Variants in MCM6 observed in about 807,000 individuals in gnomAD.
MCM6 encodes the protein minichromosome maintenance complex component 6.
Under a neutral mutation model 94.3 loss-of-function variants are expected in MCM6, and 46 were observed. That is an observed-to-expected ratio of 0.49 (90% CI 0.39 to 0.62). The LOEUF is 0.62. Among genes scored for constraint, MCM6 ranks in the 20% least tolerant of loss-of-function variants. MCM6 has a pLI of 0.00. For synonymous variants in MCM6, 335 were observed against 351.9 expected (o/e 0.95, Z 0.54); for missense variants, 865 against 1,017.9 (o/e 0.85, Z 2.04).
chr2:135,862,861 G>T, intron 7 of MCM6, 113 bp from the exon 8 acceptor site: 1 of 1,124,780 alleles, frequency 8.9e-7, no homozygotes, highest in Non-Finnish European at 1.3e-6. Context: ...GTCAGCTAAA[G>T]CAAAGCATAA....
chr2:135,869,647 T>C (rs777117218), intron 3 of MCM6, among the ~76,000 whole-genome samples: 2 of 152,160 alleles, frequency 1.3e-5, no homozygotes, highest in Non-Finnish European at 2.9e-5. Flanking sequence ...ATCCAGTAAA[T>C]TTATTCTTAA....
At chr2:135,854,525 A>C (rs1160193433) in intron 11 of MCM6, among the ~76,000 whole-genome samples, 1 of 46,298 alleles carries the variant, frequency 2.2e-5, no homozygotes, top group Non-Finnish European at 4.7e-5. Flanking sequence ...GCGAGACTCC[A>C]TCTCAAAAAA....
At chr2:135,867,604 T>C (rs1680122813) in intron 4 of MCM6, among the ~76,000 whole-genome samples, 1 of 152,210 alleles carries the variant, frequency 6.6e-6, no homozygotes, top group South Asian at 2.1e-4. Context: ...CCCATAAAAT[T>C]AAGTCCTGCT....
At chr2:135,849,336 G>A (rs887932607) in intron 13 of MCM6, among the ~76,000 whole-genome samples, 32 of 152,278 alleles carry the variant, frequency 2.1e-4, no homozygotes, top group African/African-American at 7.2e-4. Flanking sequence ...TGAGTAACTT[G>A]ACAAGGTGAG....
In MCM6 at chr2:135,851,570, C is replaced by A; in HGVS notation, c.1756-7G>T. On this transcript the variant is annotated splice_polypyrimidine_tract_variant and splice_region_variant and intron_variant, in intron 12 of 16. Transcript: ENST00000264156. ...CCTCTGACTCTTTGGAAATCTGTTT[C>A]AGATCATCACTCAAGTTAGAGAAAC... 1 of 1,586,200 alleles carries A rather than the reference C, an allele frequency of 6.3e-7. No homozygotes were observed. Among genetic ancestry groups the A allele is most frequent in the South Asian group, 1.1e-5 (1 of 89,028 alleles).
chr2:135,852,952 G>A, intron 11 of MCM6, 37 bp from the exon 12 acceptor site: 2 of 1,556,092 alleles, frequency 1.3e-6, no homozygotes, highest in Non-Finnish European at 1.7e-6. Flanking sequence ...GATAGTCACA[G>A]CAATATCTTC....
In MCM6 at chr2:135,846,338, A is replaced by C. The variant is rs1405199094; in HGVS notation, c.2108T>G (p.Ile703Arg). 6.2e-7 allele frequency: 1 copy of C among 1,614,106 alleles called. No individual in the cohort carries two copies. The highest frequency in any genetic ancestry group is 2.2e-5 in the East Asian group (1 of 44,880). Residue 703 changes from isoleucine (I) to arginine (R), a missense_variant, in exon 15 of 17, where the codon ATA (isoleucine) becomes AGA (arginine). Ile to Arg is a moderately conservative substitution (Grantham distance 97). Around this residue, in one of 3 missense-constraint regions of MCM6, gnomAD observed 308 missense variants for 324.5 expected, o/e 0.95. Coordinates refer to ENST00000264156, the MANE Select transcript of MCM6 (RefSeq NM_005915.6). The part of the protein sequence containing the change: ...VNGINGYNED[I>R]NQESAPKASL... ...GGCTTTGGGAGCAGACTCTTGATTT[A>C]TGTCTTCATTGTAGCCATTGATCCC...
At position 135,866,628 on chromosome 2, in the gene MCM6, C is replaced by A; in HGVS notation, c.716G>T (p.Gly239Val). ...TGTCCCTGTAAAGTCACACTTGTCACCAGCTTGAGCTGATTCCACAGCTTC... is the reference window on the plus strand; with the variant it reads ...TGTCCCTGTAAAGTCACACTTGTCAACAGCTTGAGCTGATTCCACAGCTTC... ...RAEAVESAQA[G>V]DKCDFTGTLI... The change falls in exon 5 of 17, where the codon GGT becomes GTT. Residue 239 changes from glycine (G) to valine (V), a missense_variant. Coordinates refer to ENST00000264156, the MANE Select transcript of MCM6 (RefSeq NM_005915.6). The A allele has an allele frequency of 1.2e-6, 2 of 1,614,178 alleles. No homozygotes were observed. The highest frequency in any genetic ancestry group is 1.7e-6 in the Non-Finnish European group (2 of 1,180,036).
chr2:135,871,661 C>T (rs1452577237), intron 2 of MCM6, among the ~76,000 whole-genome samples: 1 of 152,186 alleles, frequency 6.6e-6, no homozygotes, highest in African/African-American at 2.4e-5. Context: ...AATATAATGT[C>T]TAACCATAGT....
chr2:135,868,246 T>C (rs1005873278), intron 4 of MCM6, among the ~76,000 whole-genome samples: 1 of 152,204 alleles, frequency 6.6e-6, no homozygotes, highest in Non-Finnish European at 1.5e-5. Flanking sequence ...AGCTAGCCTG[T>C]CCTATTCATG....
chr2:135,870,659 A>G (rs566460864), intron 2 of MCM6, among the ~76,000 whole-genome samples: 2 of 152,324 alleles, frequency 1.3e-5, no homozygotes, highest in African/African-American at 4.8e-5. Flanking sequence ...TGACTAGCTG[A>G]ACAATCATCT....
intron 1 of MCM6, among the ~76,000 whole-genome samples, chr2:135,875,986 G>C (rs73957047): frequency 0.017 from 2,642 of 152,340 alleles, 83 homozygotes; most frequent in African/African-American, 0.06. Context: ...CAGGCTCGCG[G>C]GGTGGTGAGC....
chr2:135,851,844 T>C (rs1480621565), intron 12 of MCM6: 1 of 228,756 alleles, frequency 4.4e-6, no homozygotes, highest in African/African-American at 2.2e-5. Flanking sequence ...GCTGAAGCAA[T>C]GGAACAAGAT....
chr2:135,866,762 G>A, intron 4 of MCM6, 34 bp from the exon 5 acceptor site: 3 of 1,541,794 alleles, frequency 1.9e-6, no homozygotes, highest in Non-Finnish European at 1.8e-6. Context: ...CCAAGAATGA[G>A]AAGCAATACC....
Position 135,866,067 on chromosome 2 carries a change from A to G in MCM6, c.927+65T>C. On this transcript the variant is annotated intron_variant, in intron 6 of 16. Coordinates refer to ENST00000264156, the MANE Select transcript of MCM6 (RefSeq NM_005915.6). ...CAGTGAGCCATGACTTTGCCATTGC[A>G]CTCCAGCCTGGGTGACAGAGAGAGA... The G allele has an allele frequency of 2.5e-6, 4 of 1,581,048 alleles. No individual in the cohort carries two copies. In the South Asian group the frequency reaches 4.5e-5, roughly 18 times the overall value.
At chr2:135,858,540 T>G (rs1258464546) in intron 9 of MCM6, among the ~76,000 whole-genome samples, 1 of 152,144 alleles carries the variant, frequency 6.6e-6, no homozygotes, top group East Asian at 1.9e-4. Context: ...TCACAAAGTC[T>G]GCTACCACAG....
intron 15 of MCM6, 22 bp downstream of exon 15, chr2:135,846,215 A>C (rs752342851): frequency 6.2e-7 from 1 of 1,612,570 alleles, no homozygotes; most frequent in Non-Finnish European, 8.5e-7. Flanking sequence ...CGAGCATGTA[A>C]GCAGTACCAG....
At chr2:135,863,239 A>G (rs983176886) in intron 7 of MCM6, among the ~76,000 whole-genome samples, 1 of 152,268 alleles carries the variant, frequency 6.6e-6, no homozygotes, top group Non-Finnish European at 1.5e-5. Context: ...TGTGGATTAA[A>G]TAAGATGCTG....
In MCM6 at chr2:135,848,659, G is replaced by A. The variant is rs4988253; in HGVS notation, c.1918-471C>T. 5.0e-3 allele frequency among the ~76,000 whole-genome samples: 761 copies of A among 152,232 alleles called. 6 individuals carry two copies. The highest frequency in any genetic ancestry group is 0.017 in the African/African-American group (695 of 41,524). On this transcript the variant is annotated intron_variant, in intron 13 of 16. Transcript: ENST00000264156. ...AGCACTTTGGAAGGCAGAGGCAGGCGGATCACCTGAGATTGGGAGTTTGAG... is the reference window on the plus strand; with the variant it reads ...AGCACTTTGGAAGGCAGAGGCAGGCAGATCACCTGAGATTGGGAGTTTGAG...
Sources: allele counts gnomAD v4.1 joint callset (sites outside exome capture counted in the v4.1 genomes callset), GRCh38; gene constraint gnomAD v4.1.1; regional missense constraint gnomAD v4.1.1; transcripts MANE v1.5; gene names NCBI Gene and HGNC (gene_info 2026-07-23, HGNC 2026-07-21).